Variants in RAB2A observed in about 807,000 individuals in gnomAD.
RAB2A encodes ras-related protein Rab-2A.
RAB2A carries 7 observed loss-of-function variants against 32.5 expected under a neutral mutation model. The ratio of observed to expected loss-of-function variants is 0.22; its 90% CI spans 0.12 to 0.40. The LOEUF (loss-of-function observed/expected upper bound fraction) is 0.40. RAB2A is among the 10% of genes least tolerant of loss of function. The probability of loss-of-function intolerance (pLI) is 1.00; values close to 1 mark genes in which losing one functional copy is unlikely to be tolerated. For missense variants in RAB2A, 108 were observed against 260.7 expected (o/e 0.41, Z 4.03); for synonymous variants, 79 against 85.2 (o/e 0.93, Z 0.40).
At chr8:60,532,024 C>T (rs1807484876) in intron 1 of RAB2A, among the ~76,000 whole-genome samples, 2 of 152,110 alleles carry the variant, frequency 1.3e-5, no homozygotes, top group South Asian at 2.1e-4. Flanking sequence ...AAGCTGGCTT[C>T]GAACTCCTGA....
chr8:60,543,965 A>G (rs967703602), intron 1 of RAB2A, among the ~76,000 whole-genome samples: 6 of 151,286 alleles, frequency 4.0e-5, no homozygotes, highest in Middle Eastern at 3.4e-3. Context: ...AGGAGGCTGA[A>G]GCAGGAGAAT....
chr8:60,563,941 G>GT (rs2130834159), intron 2 of RAB2A, among the ~76,000 whole-genome samples: 1 of 152,178 alleles, frequency 6.6e-6, no homozygotes, highest in South Asian at 2.1e-4. Context: ...TAAACCATAG[G>GT]TTAAATCTAG....
chr8:60,558,483 G>C, intron 1 of RAB2A: 1 of 510,938 alleles, frequency 2.0e-6, no homozygotes, highest in Non-Finnish European at 3.9e-6. Context: ...ATGATAAAAT[G>C]AACTATTAAC....
chr8:60,584,698 TAATTA>T lies in RAB2A; in HGVS notation c.270-19_270-15del. ...ACTGAGGGAAATGCTTTGAACATAGTAATTAAATTATTATTTATGTTTAGGAGAGA... is the reference window on the plus strand; with the variant it reads ...ACTGAGGGAAATGCTTTGAACATAGTAATTATTATTTATGTTTAGGAGAGA... On this transcript the variant is annotated intron_variant, in intron 4 of 7. Transcript: ENST00000262646. 1 of 1,543,440 alleles carries T rather than the reference TAATTA, an allele frequency of 6.5e-7. No homozygotes were observed. Among genetic ancestry groups the T allele is most frequent in the African/African-American group, 1.4e-5 (1 of 73,256 alleles).
At chr8:60,526,868 C>T in intron 1 of RAB2A, among the ~76,000 whole-genome samples, 1 of 150,358 alleles carries the variant, frequency 6.7e-6, no homozygotes, top group Non-Finnish European at 1.5e-5. Context: ...ACTTGGGAGG[C>T]TGAGATGAGA....
chr8:60,553,280 T>A (rs190942255), intron 1 of RAB2A, among the ~76,000 whole-genome samples: 3 of 152,302 alleles, frequency 2.0e-5, no homozygotes, highest in Non-Finnish European at 2.9e-5. Flanking sequence ...CCCACAGGTA[T>A]GGCTAAAGTT....
At chr8:60,566,416 T>C (rs1316402293) in intron 2 of RAB2A, among the ~76,000 whole-genome samples, 3 of 152,208 alleles carry the variant, frequency 2.0e-5, no homozygotes, top group Non-Finnish European at 2.9e-5. Context: ...TATATATCTT[T>C]GTCTTTTTTT....
At chr8:60,544,001 G>A (rs761457319) in intron 1 of RAB2A, among the ~76,000 whole-genome samples, 29 of 148,480 alleles carry the variant, frequency 2.0e-4, no homozygotes, top group Admixed American at 1.8e-3. Context: ...GGTGGAGGTT[G>A]CAGTGAGCCG....
chr8:60,559,421 A>T (rs1391955943), intron 2 of RAB2A: 1 of 152,694 alleles, frequency 6.5e-6, no homozygotes, highest in Admixed American at 6.5e-5. Context: ...AGACTTTCTC[A>T]TAATTATTAA....
intron 5 of RAB2A, chr8:60,591,638 TAACA>T: frequency 2.6e-6 from 1 of 382,514 alleles, no homozygotes; most frequent in Middle Eastern, 8.0e-4. Flanking sequence ...TCTAAAGCTC[TAACA>T]CAGAATCTTT....
chr8:60,612,244 A>T (rs1284420154), intron 6 of RAB2A, among the ~76,000 whole-genome samples: 1 of 152,174 alleles, frequency 6.6e-6, no homozygotes, highest in African/African-American at 2.4e-5. Flanking sequence ...TTTTCTAGGA[A>T]CAGGAAATTC....
At chr8:60,596,394 A>G (rs1440238862) in intron 6 of RAB2A, among the ~76,000 whole-genome samples, 3 of 152,334 alleles carry the variant, frequency 2.0e-5, no homozygotes, top group Non-Finnish European at 4.4e-5. Context: ...TTTGCAATCT[A>G]TCCATCTGAC....
At chr8:60,584,646 T>TA in intron 4 of RAB2A, 77 bp from the exon 5 acceptor site, 1 of 1,252,674 alleles carries the variant, frequency 8.0e-7, no homozygotes, top group Non-Finnish European at 1.1e-6. Flanking sequence ...TGGTTCTCTT[T>TA]AAAAATATGT....
intron 2 of RAB2A, chr8:60,569,923 T>G (rs1437253384): frequency 4.4e-6 from 2 of 455,722 alleles, no homozygotes; most frequent in East Asian, 1.4e-4. Context: ...GAACCTACAG[T>G]AAGTTGGAAA....
chr8:60,559,237 G>A (rs1807983807), intron 2 of RAB2A: 1 of 250,088 alleles, frequency 4.0e-6, no homozygotes, highest in South Asian at 5.1e-5. Context: ...CAGCTTGCTG[G>A]AAGTTAAATC....
chr8:60,571,303 GAAC>G (rs1808193930), intron 2 of RAB2A, among the ~76,000 whole-genome samples: 2 of 152,204 alleles, frequency 1.3e-5, no homozygotes, highest in South Asian at 4.1e-4. Flanking sequence ...GAAAATAGGA[GAAC>G]AACCTAAATC....
intron 1 of RAB2A, among the ~76,000 whole-genome samples, chr8:60,551,548 C>A (rs1425595258): frequency 6.6e-6 from 1 of 152,202 alleles, no homozygotes; most frequent in Non-Finnish European, 1.5e-5. Flanking sequence ...CTACTTCTTA[C>A]AGGTTAGGAA....
At chr8:60,598,303 G>A (rs906515925) in intron 6 of RAB2A, among the ~76,000 whole-genome samples, 1 of 152,136 alleles carries the variant, frequency 6.6e-6, no homozygotes, top group Non-Finnish European at 1.5e-5. Context: ...TGGTTTCACT[G>A]CGGAATTCTA....
At position 60,525,133 on chromosome 8, in the gene RAB2A, C is replaced by G. The variant is rs192459807; in HGVS notation, c.46+7880C>G. 2.8e-3 allele frequency among the ~76,000 whole-genome samples: 427 copies of G among 152,256 alleles called. 1 individual carries two copies. Among genetic ancestry groups the G allele is most frequent in the Non-Finnish European group, 3.1e-3 (208 of 68,032 alleles). On this transcript the variant is annotated intron_variant, in intron 1 of 7. Coordinates refer to ENST00000262646, the MANE Select transcript of RAB2A (RefSeq NM_002865.3). The stretch of plus-strand genomic sequence containing the variant: ...TGGTTGATCTGGTTTGGCTCTGTGT[C>G]CCACTCGAATCTCATCTCAAATTTT...
Sources: allele counts gnomAD v4.1 joint callset (sites outside exome capture counted in the v4.1 genomes callset), GRCh38; gene constraint gnomAD v4.1.1; transcripts MANE v1.5; gene names NCBI Gene and HGNC (gene_info 2026-07-23, HGNC 2026-07-21).